UTS2B: variants seen among roughly 807,000 people sequenced by gnomAD.
UTS2B encodes urotensin-2B.
UTS2B carries 21 observed loss-of-function variants against 19.2 expected under a neutral mutation model. The observed-to-expected ratio is 1.09, with a 90% CI of 0.78 to 1.58. UTS2B has a LOEUF of 1.58. UTS2B is among the 40% of genes most tolerant of loss of function. UTS2B has a pLI of 0.00. For missense variants in UTS2B, 138 were observed against 130.3 expected, an observed-to-expected ratio of 1.06 and a Z score of -0.29; for synonymous variants, 57 against 50.2, an observed-to-expected ratio of 1.14 and a Z score of -0.58.
rs563514190 is a variant in UTS2B, at chr3:191,275,629, G to A, written c.241-284C>T. ...CAGGAGGTGGAGACTGCAGTGAGCC[G>A]AGATTGCACCACTGTACTTCTGCCA... On this transcript the variant is annotated intron_variant, in intron 7 of 8. Coordinates refer to ENST00000340524, the MANE Select transcript of UTS2B (RefSeq NM_198152.5). Among the ~76,000 whole-genome samples, 6 of 151,780 alleles carry A rather than the reference G, an allele frequency of 4.0e-5. No individual in the cohort carries two copies. The East Asian group carries it at 5.8e-4, about 15-fold the overall frequency.
intron 4 of UTS2B, among the ~76,000 whole-genome samples, chr3:191,297,049 A>G (rs1382465631): frequency 6.6e-6 from 1 of 152,200 alleles, no homozygotes; most frequent in Non-Finnish European, 1.5e-5. Flanking sequence ...TGAGAAAGAA[A>G]AAAAAACCTT....
chr3:191,327,924 G>A (rs1717792178), intron 2 of UTS2B, among the ~76,000 whole-genome samples: 2 of 152,130 alleles, frequency 1.3e-5, no homozygotes, highest in Admixed American at 6.5e-5. Context: ...CCTGCTGAGT[G>A]TTATCTCTGC....
At chr3:191,293,945 C>G (rs1716788648) in intron 4 of UTS2B, among the ~76,000 whole-genome samples, 1 of 151,578 alleles carries the variant, frequency 6.6e-6, no homozygotes, top group Non-Finnish European at 1.5e-5. Context: ...CCTGTCTCTA[C>G]TAAAAATACA....
At chr3:191,292,815 G>A (rs1305579483) in intron 4 of UTS2B, among the ~76,000 whole-genome samples, 2 of 152,006 alleles carry the variant, frequency 1.3e-5, no homozygotes, top group Non-Finnish European at 2.9e-5. Flanking sequence ...TTACCAGATT[G>A]AGGAAGTTCC....
intron 8 of UTS2B, among the ~76,000 whole-genome samples, chr3:191,272,480 G>A (rs1168239625): frequency 1.3e-5 from 2 of 152,194 alleles, no homozygotes; most frequent in African/African-American, 4.8e-5. Flanking sequence ...TGTTGATTGC[G>A]ATTATCCTTT....
chr3:191,344,236 T>C, the UTS2B span, among the ~76,000 whole-genome samples: 1 of 152,186 alleles, frequency 6.6e-6, no homozygotes, highest in African/African-American at 2.4e-5. Flanking sequence ...AGTGGTCCAG[T>C]TGTCTAAATT....
intron 4 of UTS2B, among the ~76,000 whole-genome samples, chr3:191,283,368 C>G (rs1167795820): frequency 1.3e-5 from 2 of 152,152 alleles, no homozygotes; most frequent in Non-Finnish European, 2.9e-5. Context: ...CCTACTGATT[C>G]CTGAAGCTAC....
intron 3 of UTS2B, among the ~76,000 whole-genome samples, chr3:191,311,529 G>A (rs1717301230): frequency 6.6e-6 from 1 of 152,156 alleles, no homozygotes; most frequent in South Asian, 2.1e-4. Context: ...TGACACTCCT[G>A]TATTTCTGCA....
chr3:191,339,561 G>A, the UTS2B span, among the ~76,000 whole-genome samples: 1 of 152,198 alleles, frequency 6.6e-6, no homozygotes, highest in Non-Finnish European at 1.5e-5. Flanking sequence ...GCCAATTTCA[G>A]TAGCAATCAT....
At chr3:191,309,006 T>C (rs188563222) in intron 3 of UTS2B, among the ~76,000 whole-genome samples, 223 of 152,316 alleles carry the variant, frequency 1.5e-3, no homozygotes, top group African/African-American at 4.9e-3. Context: ...TGATCCTCTA[T>C]CCTAAAGGGA....
At chr3:191,320,337 A>T (rs1717580772) in intron 2 of UTS2B, among the ~76,000 whole-genome samples, 2 of 152,236 alleles carry the variant, frequency 1.3e-5, no homozygotes, top group African/African-American at 4.8e-5. Context: ...AAGCAAGACT[A>T]TGCGTGGCTT....
chr3:191,268,530 G>A (rs867101663), intron 8 of UTS2B, 89 bp from the exon 9 acceptor site: 10 of 892,146 alleles, frequency 1.1e-5, no homozygotes, highest in African/African-American at 3.4e-5. Context: ...GCCTGAATGC[G>A]AGAGTTAAGT....
chr3:191,306,392 T>G (rs747370832), intron 3 of UTS2B, among the ~76,000 whole-genome samples: 1 of 152,244 alleles, frequency 6.6e-6, no homozygotes, highest in Non-Finnish European at 1.5e-5. Flanking sequence ...GATTGAACCC[T>G]ACCACATTTT....
In UTS2B at chr3:191,317,117, C is replaced by T. The variant is rs894010594; in HGVS notation, c.-585-678G>A. The stretch of plus-strand genomic sequence containing the variant: ...TGCAGAGCCCATGGGGGTGGGGGCT[C>T]GGGCATAGCGGGCTGCAGTACCCCA... On this transcript the variant is annotated intron_variant, in intron 2 of 8. Coordinates refer to ENST00000340524, the MANE Select transcript of UTS2B (RefSeq NM_198152.5). 5.3e-5 allele frequency among the ~76,000 whole-genome samples: 8 copies of T among 152,320 alleles called. 1 individual carries two copies. The highest frequency in any genetic ancestry group is 4.1e-4 in the South Asian group (2 of 4,834).
At chr3:191,335,392 C>T (rs1372556615), upstream of UTS2B, among the ~76,000 whole-genome samples, 1 of 152,140 alleles carries the variant, frequency 6.6e-6, no homozygotes, top group Non-Finnish European at 1.5e-5. Context: ...GTGTCCTGTG[C>T]TTCAAAAATG....
chr3:191,313,066 A>G (rs1052931963), intron 3 of UTS2B, among the ~76,000 whole-genome samples: 76 of 150,524 alleles, frequency 5.0e-4, no homozygotes, highest in African/African-American at 1.8e-3. Context: ...GCTGGAGCGC[A>G]GTGGTGTGAT....
chr3:191,275,178 C>A, intron 8 of UTS2B, 74 bp downstream of exon 8: 1 of 1,166,294 alleles, frequency 8.6e-7, no homozygotes, highest in Non-Finnish European at 1.2e-6. Context: ...CCAACTGAAT[C>A]TTCTTCCTCT....
the UTS2B span, among the ~76,000 whole-genome samples, chr3:191,341,546 T>G: frequency 6.6e-6 from 1 of 152,198 alleles, no homozygotes; most frequent in Non-Finnish European, 1.5e-5. Context: ...TTTATTTGTA[T>G]GTTATTGAAG....
chr3:191,275,720 C>CT (rs1443499731), intron 7 of UTS2B, among the ~76,000 whole-genome samples: 2 of 148,648 alleles, frequency 1.3e-5, no homozygotes, highest in East Asian at 3.9e-4. Flanking sequence ...AACCATGCTG[C>CT]TCTCTGTTGA....
Sources: gnomAD v4.1 joint callset for allele counts (sites outside exome capture counted in the v4.1 genomes callset) on GRCh38, gnomAD v4.1.1 for gene constraint, MANE v1.5 for transcripts, NCBI Gene and HGNC (gene_info 2026-07-23, HGNC 2026-07-21) for gene names.